QSOX2: variants seen among roughly 807,000 people sequenced by gnomAD.
QSOX2 encodes the protein sulfhydryl oxidase 2.
In QSOX2, 46 loss-of-function variants were observed where a neutral mutation model predicts 61.7. That is an observed-to-expected ratio of 0.75 (90% CI 0.59 to 0.95). The LOEUF (loss-of-function observed/expected upper bound fraction) is 0.95. Ranked by LOEUF, QSOX2 falls within the 40% of genes least tolerant of loss-of-function variation. The pLI is 0.00. For missense variants in QSOX2, 879 were observed against 918.9 expected (o/e 0.96, Z 0.56); for synonymous variants, 383 against 388.4 (o/e 0.99, Z 0.16).
chr9:136,215,958 C>T (rs993494457), intron 9 of QSOX2, among the ~76,000 whole-genome samples: 3 of 152,208 alleles, frequency 2.0e-5, no homozygotes, highest in Non-Finnish European at 4.4e-5. Context: ...GCAAGAAGCC[C>T]GGCACCGTCT....
At chr9:136,227,327 C>T (rs1437864464) in intron 1 of QSOX2, among the ~76,000 whole-genome samples, 1 of 152,160 alleles carries the variant, frequency 6.6e-6, no homozygotes, top group Non-Finnish European at 1.5e-5. Flanking sequence ...AGCATCTGAG[C>T]AGGGTCTTTC....
chr9:136,208,840 C>T lies in QSOX2; in HGVS notation c.1985G>A (p.Ser662Asn). Reference protein sequence around the residue: ...LGVDFSSLDMSLCVVLYVASS... With the variant: ...LGVDFSSLDMNLCVVLYVASS... Reference sequence around the variant, plus strand: ...AGCCACGTACAGCACGACACAGAGACTCATGTCCAGGCTGGAGAAGTCAAC... The same window carrying T: ...AGCCACGTACAGCACGACACAGAGATTCATGTCCAGGCTGGAGAAGTCAAC... The change falls in exon 12 of 12, where the codon AGT becomes AAT. Residue 662 changes from serine (S) to asparagine (N), a missense_variant. Ser to Asn is a conservative substitution (Grantham distance 46). Transcript: ENST00000358701. 6.2e-7 allele frequency: 1 copy of T among 1,614,082 alleles called. No individual in the cohort carries two copies.
rs1179501832 is a variant in QSOX2, at chr9:136,223,420, CTT to C, written c.675+341_675+342del. Among the ~76,000 whole-genome samples, 1 of 152,128 alleles carries C rather than the reference CTT, an allele frequency of 6.6e-6. No homozygotes were observed. Among genetic ancestry groups the C allele is most frequent in the Non-Finnish European group, 1.5e-5 (1 of 68,036 alleles). On this transcript the variant is annotated intron_variant, in intron 5 of 11. Transcript: ENST00000358701. This position sits in a 1 kb window ranked among gnomAD's most constrained non-coding sequence, Gnocchi z 4.4. ...TTCAGAATACGGCAACGAAAAAAAT[CTT>C]AGTAATAATGCATACAAAATACAGA...
At position 136,221,841 on chromosome 9, in the gene QSOX2, G is replaced by A. The variant is rs1282168889; in HGVS notation, c.776C>T (p.Ser259Leu). The A allele has an allele frequency of 8.1e-6, 13 of 1,612,730 alleles. No individual in the cohort carries two copies. Among genetic ancestry groups the A allele is most frequent in the South Asian group, 1.1e-5 (1 of 90,704 alleles). Reference protein sequence around the residue: ...LEKLGVSSVPSCYLIYPNGSH... With the variant: ...LEKLGVSSVPLCYLIYPNGSH... The stretch of plus-strand genomic sequence containing the variant: ...CCCATTTGGGTAGATCAGGTAACAC[G>A]AAGGGACTGAAGAAACACCAAGTTT... The change falls in exon 6 of 12, where the codon TCG becomes TTG. Residue 259 changes from serine to leucine, a missense_variant. By Grantham distance (145) the Ser-to-Leu change is moderately radical. Transcript: ENST00000358701. The surrounding 1 kb of genome is among the most constrained non-coding windows in gnomAD (Gnocchi z 4.5).
intron 1 of QSOX2, among the ~76,000 whole-genome samples, chr9:136,242,574 C>T (rs1830441302): frequency 6.6e-6 from 1 of 152,270 alleles, no homozygotes; most frequent in African/African-American, 2.4e-5. Context: ...ATGTTGACAA[C>T]GGGAATGCCT....
Position 136,224,131 on chromosome 9 carries a change from G to C in QSOX2, c.479-19C>G. 3 of 1,599,436 alleles carry C rather than the reference G, an allele frequency of 1.9e-6. No homozygotes were observed. The highest frequency in any genetic ancestry group is 1.7e-6 in the Non-Finnish European group (2 of 1,167,938). On this transcript the variant is annotated intron_variant, in intron 3 of 11. Coordinates refer to ENST00000358701, the MANE Select transcript of QSOX2 (RefSeq NM_181701.4). ...TCAGGTCCTGCCGGAAGCACACCAGGGTCAGAGCTGTGTGTGCGGCTGTCC... is the reference window on the plus strand; with the variant it reads ...TCAGGTCCTGCCGGAAGCACACCAGCGTCAGAGCTGTGTGTGCGGCTGTCC...
At chr9:136,212,639 G>T (rs1433270849) in intron 10 of QSOX2, among the ~76,000 whole-genome samples, 1 of 152,268 alleles carries the variant, frequency 6.6e-6, no homozygotes, top group Non-Finnish European at 1.5e-5. Context: ...CGGCCCGTCT[G>T]CCCTGCTCTC....
chr9:136,242,067 A>G (rs1231711154), intron 1 of QSOX2, among the ~76,000 whole-genome samples: 1 of 152,214 alleles, frequency 6.6e-6, no homozygotes, highest in Non-Finnish European at 1.5e-5. Context: ...ATCTTCAGGA[A>G]CCCAACAAGG....
intron 1 of QSOX2, among the ~76,000 whole-genome samples, chr9:136,237,312 C>T (rs367749097): frequency 1.7e-4 from 17 of 102,444 alleles, no homozygotes; most frequent in Admixed American, 4.3e-4. Flanking sequence ...GCCCGTCCTG[C>T]GCCACACCTG....
chr9:136,218,715 C>T lies in QSOX2; in HGVS notation c.1050G>A (p.Leu350=). 6.2e-7 allele frequency: 1 copy of T among 1,613,826 alleles called. No individual in the cohort carries two copies. The highest frequency in any genetic ancestry group is 1.3e-5 in the African/African-American group (1 of 75,072). Residue 350 remains leucine (L), a synonymous_variant, in exon 8 of 12, where the codon CTG becomes CTA. Coordinates refer to ENST00000358701, the MANE Select transcript of QSOX2 (RefSeq NM_181701.4). ...AAHKSLAGAE[L]KTLKDFVTVL... is the part of the protein sequence containing the mutation. ...CAGTCACAAAGTCCTTGAGCGTCTT[C>T]AGCTCTGCTCCGGCCAGGGACTTGT...
In QSOX2 at chr9:136,210,201, A is replaced by G. The variant is rs1051734195; in HGVS notation, c.1550-926T>C. 16 of 985,470 alleles carry G rather than the reference A, an allele frequency of 1.6e-5. No homozygotes were observed. The African/African-American group carries it at 2.1e-4, about 13-fold the overall frequency. The allele number at this position is 985,470 out of a possible 1,614,324, so 61.0% of individuals were successfully genotyped here. A position where few individuals can be genotyped will look rare whatever the true frequency, so the allele number is the denominator to read the frequency against. ...GCCAGAGCTTCATGTAGGACTGTCAAATAAGGCGCCAGCCCTGGGCAGAAG... is the reference window on the plus strand; with the variant it reads ...GCCAGAGCTTCATGTAGGACTGTCAGATAAGGCGCCAGCCCTGGGCAGAAG... On this transcript the variant is annotated intron_variant, in intron 11 of 11. Coordinates refer to ENST00000358701, the MANE Select transcript of QSOX2 (RefSeq NM_181701.4).
chr9:136,214,014 T>C (rs914478082), intron 10 of QSOX2, among the ~76,000 whole-genome samples: 1 of 152,228 alleles, frequency 6.6e-6, no homozygotes, highest in Non-Finnish European at 1.5e-5. Flanking sequence ...TAGTTTGTTA[T>C]GTGGCAAAAA....
At position 136,219,010 on chromosome 9, in the gene QSOX2, A is replaced by G; in HGVS notation, c.956+20T>C. The G allele has an allele frequency of 6.2e-7, 1 of 1,613,384 alleles. No homozygotes were observed. Among genetic ancestry groups the G allele is most frequent in the Non-Finnish European group, 8.5e-7 (1 of 1,179,592 alleles). ...TACACGCACTGTCTCCGGGGGCTTC[A>G]GTTCAAGAGGAACACTTGCTTGTCA... On this transcript the variant is annotated intron_variant, in intron 7 of 11. Coordinates refer to ENST00000358701, the MANE Select transcript of QSOX2 (RefSeq NM_181701.4).
At position 136,214,733 on chromosome 9, in the gene QSOX2, C is replaced by T. The variant is rs150554949; in HGVS notation, c.1360+421G>A. On this transcript the variant is annotated intron_variant, in intron 10 of 11. Coordinates refer to ENST00000358701, the MANE Select transcript of QSOX2 (RefSeq NM_181701.4). ...GCCCGGCCCTCAGAAACCATGAGCT[C>T]ATAACCGTGCGTGGTTCCCGTGGTT... Among the ~76,000 whole-genome samples the T allele has an allele frequency of 3.0e-3, 464 of 152,330 alleles. 1 individual carries two copies. Among genetic ancestry groups the T allele is most frequent in the African/African-American group, 0.01 (419 of 41,576 alleles).
intron 1 of QSOX2, among the ~76,000 whole-genome samples, chr9:136,234,975 G>A (rs1312250693): frequency 6.6e-6 from 1 of 152,110 alleles, no homozygotes; most frequent in African/African-American, 2.4e-5. Context: ...GTCTCCATCC[G>A]AATGCCACTT....
In QSOX2 at chr9:136,209,508, A is replaced by G; in HGVS notation, c.1550-233T>C. 1 of 985,268 alleles carries G rather than the reference A, an allele frequency of 1.0e-6. No homozygotes were observed. Among genetic ancestry groups the G allele is most frequent in the Non-Finnish European group, 1.2e-6 (1 of 829,882 alleles). The allele number at this position is 985,268 out of a possible 1,614,324, so 61.0% of individuals were successfully genotyped here. ...CACGTGTTCCCCTCTGCCGGTTCCC[A>G]TAGCCTGCAAGTGAGGAGACGCTAC... On this transcript the variant is annotated intron_variant, in intron 11 of 11. Coordinates refer to ENST00000358701, the MANE Select transcript of QSOX2 (RefSeq NM_181701.4). The surrounding 1 kb of genome is among the most constrained non-coding windows in gnomAD (Gnocchi z 5.6).
At chr9:136,244,763 T>C (rs1482796818) in intron 1 of QSOX2, among the ~76,000 whole-genome samples, 6 of 152,222 alleles carry the variant, frequency 3.9e-5, no homozygotes, top group Admixed American at 3.9e-4. Context: ...TGCGGAACAC[T>C]ACCAGCAGTT....
Position 136,209,494 on chromosome 9 carries a change from C to T in QSOX2, c.1550-219G>A. 1.0e-6 allele frequency: 1 copy of T among 985,414 alleles called. No individual in the cohort carries two copies. The highest frequency in any genetic ancestry group is 1.2e-6 in the Non-Finnish European group (1 of 829,926). The allele number at this position is 985,414 out of a possible 1,614,324, so 61.0% of individuals were successfully genotyped here. ...TGCAGGCCCCTGCGCACGTGTTCCC[C>T]TCTGCCGGTTCCCATAGCCTGCAAG... On this transcript the variant is annotated intron_variant, in intron 11 of 11. Coordinates refer to ENST00000358701, the MANE Select transcript of QSOX2 (RefSeq NM_181701.4). This position sits in a 1 kb window ranked among gnomAD's most constrained non-coding sequence, Gnocchi z 5.6.
chr9:136,232,412 T>C (rs1354282907), intron 1 of QSOX2, among the ~76,000 whole-genome samples: 1 of 152,132 alleles, frequency 6.6e-6, no homozygotes. Flanking sequence ...ATGTGACAAT[T>C]TGAAAAAACT....
Sources: gnomAD v4.1 joint callset for allele counts (sites outside exome capture counted in the v4.1 genomes callset) on GRCh38, gnomAD v4.1.1 for gene constraint, Gnocchi (gnomAD v3.1) non-coding constraint, MANE v1.5 for transcripts, NCBI Gene and HGNC (gene_info 2026-07-23, HGNC 2026-07-21) for gene names.